The following RBM23 variants were observed in gnomAD, a reference collection of about 807,000 sequenced individuals.
RBM23 encodes the protein probable RNA-binding protein 23.
RBM23 carries 53 observed loss-of-function variants against 56.2 expected under a neutral mutation model. That is an observed-to-expected ratio of 0.94 (90% CI 0.76 to 1.19). RBM23 has a LOEUF of 1.19. Ranked by LOEUF, RBM23 falls within the 50% of genes most tolerant of loss-of-function variation. The pLI is 0.00. For synonymous variants in RBM23, 197 were observed against 198.5 expected (o/e 0.99, Z 0.06); for missense variants, 642 against 590.3 (o/e 1.09, Z -0.91).
In RBM23 at chr14:22,905,339, G is replaced by A. The variant is rs192103859; in HGVS notation, c.570C>T (p.Gly190=). 5.7e-4 allele frequency: 916 copies of A among 1,614,080 alleles called. 1 individual carries two copies. The highest frequency in any genetic ancestry group is 6.2e-4 in the Non-Finnish European group (731 of 1,180,016). The change falls in exon 7 of 14, where the codon GGC becomes GGT. Residue 190 remains glycine, a synonymous_variant. Transcript: ENST00000359890. ...RDLEDFFSAV[G]KVRDVRIISD... ...AAAACTAAGGTGGGAGGGTTACCTTGCCTACAGCAGAGAAAAAGTCCTCCA... is the reference window on the plus strand; with the variant it reads ...AAAACTAAGGTGGGAGGGTTACCTTACCTACAGCAGAGAAAAAGTCCTCCA...
chr14:22,901,986 G>C lies in RBM23; in HGVS notation c.1240C>G (p.Leu414Val), dbSNP rs113809132. Residue 414 changes from leucine to valine, a missense_variant, in exon 12 of 14, where the codon CTG becomes GTG. Transcript: ENST00000359890. ...TTCCCATGTCCAAGACTACCAGTCAGAGCTGCTGGATTCAGGGCCCCCAAG... is the reference window on the plus strand; with the variant it reads ...TTCCCATGTCCAAGACTACCAGTCACAGCTGCTGGATTCAGGGCCCCCAAG... ...VPLGALNPAA[L>V]TALSPALNLA... 6.2e-7 allele frequency: 1 copy of C among 1,612,014 alleles called. No individual in the cohort carries two copies. The highest frequency in any genetic ancestry group is 8.5e-7 in the Non-Finnish European group (1 of 1,178,482).
intron 1 of RBM23, chr14:22,911,632 TC>T (rs897688911): frequency 2.9e-5 from 9 of 315,452 alleles, no homozygotes; most frequent in Non-Finnish European, 5.4e-5. Flanking sequence ...TCAAGGATAG[TC>T]CGGGCGCAGT....
At chr14:22,918,517 A>C (rs1395627876) in intron 1 of RBM23, among the ~76,000 whole-genome samples, 1 of 152,214 alleles carries the variant, frequency 6.6e-6, no homozygotes, top group Non-Finnish European at 1.5e-5. Flanking sequence ...AGTGCTTGAA[A>C]AAGTTAAATG....
At chr14:22,908,687 G>A (rs1410154119) in intron 3 of RBM23, 2 of 248,830 alleles carry the variant, frequency 8.0e-6, no homozygotes, top group Non-Finnish European at 1.5e-5. Context: ...AGCCCCGCGT[G>A]AGCACCGCGC....
Position 22,902,243 on chromosome 14 carries a change from T to C in RBM23, c.1070A>G (p.Glu357Gly). ...TDITFPDGDQ[E>G]LDLGSAGGRF... ...TCCACCTGCTGATCCCAGATCCAGC[T>C]CCTGGTCCCCATCAGGAAAAGTGAT... Residue 357 changes from glutamate to glycine, a missense_variant, in exon 11 of 14, where the codon GAG (glutamate) becomes GGG (glycine). Glu to Gly is a moderately conservative substitution (Grantham distance 98). Coordinates refer to ENST00000359890, the MANE Select transcript of RBM23 (RefSeq NM_001077351.2). 2 of 1,614,224 alleles carry C rather than the reference T, an allele frequency of 1.2e-6. No individual in the cohort carries two copies. Among genetic ancestry groups the C allele is most frequent in the African/African-American group, 1.3e-5 (1 of 75,054 alleles).
At chr14:22,911,746 A>G in intron 1 of RBM23, 1 of 159,738 alleles carries the variant, frequency 6.3e-6, no homozygotes, top group East Asian at 1.8e-4. Flanking sequence ...AACCCCCTCT[A>G]CCAAAAATAT....
Position 22,898,349 on chromosome 14 carries a change from T to C in RBM23, c.*3381A>G, listed in dbSNP as rs1452213173. On this transcript the variant is annotated 3_prime_UTR_variant, in exon 14 of 14. Coordinates refer to ENST00000359890, the MANE Select transcript of RBM23 (RefSeq NM_001077351.2). ...GAGAATCTTTTCTAGAACTGAAGACTGGTAGGGAAATTCTAACTATGCTGG... is the reference window on the plus strand; with the variant it reads ...GAGAATCTTTTCTAGAACTGAAGACCGGTAGGGAAATTCTAACTATGCTGG... 6.6e-6 allele frequency: 1 copy of C among 152,190 alleles called. No homozygotes were observed. Among genetic ancestry groups the C allele is most frequent in the Non-Finnish European group, 1.5e-5 (1 of 68,030 alleles). The allele number at this position is 152,190 out of a possible 1,614,324, so 9.4% of individuals were successfully genotyped here.
rs527502866 is a variant in RBM23, at chr14:22,904,510, G to A, written c.865-184C>T. On this transcript the variant is annotated intron_variant, in intron 9 of 13. Coordinates refer to ENST00000359890, the MANE Select transcript of RBM23 (RefSeq NM_001077351.2). Reference sequence around the variant, plus strand: ...AAGATTAGTCAGTAGAAATATTTTGGTAAAAGGTGGACTTTTTTTTTTTTT... The same window carrying A: ...AAGATTAGTCAGTAGAAATATTTTGATAAAAGGTGGACTTTTTTTTTTTTT... Among the ~76,000 whole-genome samples the A allele has an allele frequency of 2.0e-5, 3 of 150,976 alleles. No individual in the cohort carries two copies. The South Asian group carries it at 6.3e-4, about 32-fold the overall frequency.
intron 1 of RBM23, chr14:22,917,288 G>C (rs1047037147): frequency 1.3e-5 from 2 of 152,132 alleles, no homozygotes; most frequent in African/African-American, 4.8e-5. Flanking sequence ...TGAAATGCTT[G>C]ATTTCAAGAA....
intron 1 of RBM23, among the ~76,000 whole-genome samples, chr14:22,913,483 CAGG>C (rs2042949610): frequency 6.6e-6 from 1 of 151,484 alleles, no homozygotes; most frequent in South Asian, 2.1e-4. Context: ...ACTTTGGGGC[CAGG>C]AGTTGTGGCT....
rs186349803 is a variant in RBM23 at position 22,909,096 on chromosome 14, C to T, written c.179+387G>A. On this transcript the variant is annotated intron_variant, in intron 3 of 13. Transcript: ENST00000359890. Reference sequence around the variant, plus strand: ...TAGCTGGGATTACAGGAGCCTGCCACCGCGCCCAGCTAATTTTTGTATTTT... The same window carrying T: ...TAGCTGGGATTACAGGAGCCTGCCATCGCGCCCAGCTAATTTTTGTATTTT... Among the ~76,000 whole-genome samples, 484 of 152,214 alleles carry T rather than the reference C, an allele frequency of 3.2e-3. 2 individuals are homozygous for T. The highest frequency in any genetic ancestry group is 0.011 in the African/African-American group (465 of 41,534).
At position 22,909,528 on chromosome 14, in the gene RBM23, C is replaced by T; in HGVS notation, c.134G>A (p.Ser45Asn). 6 of 1,613,570 alleles carry T rather than the reference C, an allele frequency of 3.7e-6. No homozygotes were observed. Among genetic ancestry groups the T allele is most frequent in the Non-Finnish European group, 5.1e-6 (6 of 1,179,996 alleles). ...PSNTTSSTSN[S>N]GNETSGSSTI... ...GCTGCTTCCACTGGTCTCATTGCCA[C>T]TGTTGCTGGTGCTGCTGGTGGTATT... The change falls in exon 3 of 14, where the codon AGT becomes AAT. Residue 45 changes from serine to asparagine, a missense_variant. Coordinates refer to ENST00000359890, the MANE Select transcript of RBM23 (RefSeq NM_001077351.2).
chr14:22,917,560 T>TTTC (rs10632974), intron 1 of RBM23: 84,250 of 149,726 alleles, frequency 0.56, 24,594 homozygotes, highest in East Asian at 0.79. Flanking sequence ...TTTTTTCTTT[T>TTTC]TTCTTCTTTT....
At chr14:22,910,693 AC>A (rs1030882401) in intron 2 of RBM23, among the ~76,000 whole-genome samples, 25 of 151,898 alleles carry the variant, frequency 1.6e-4, no homozygotes, top group African/African-American at 6.0e-4. Context: ...ACATAGCAAG[AC>A]CCTGTCTCTA....
At chr14:22,908,262 C>A in intron 4 of RBM23, 71 bp downstream of exon 4, 1 of 1,508,646 alleles carries the variant, frequency 6.6e-7, no homozygotes, top group Non-Finnish European at 8.9e-7. Flanking sequence ...CTGAAGTGAT[C>A]CTCCCGCCTT....
chr14:22,903,322 C>G, intron 10 of RBM23: 1 of 985,462 alleles, frequency 1.0e-6, no homozygotes, highest in South Asian at 4.7e-5. Context: ...AGGTTGTTGA[C>G]CCAAAAGGCA....
intron 10 of RBM23, chr14:22,903,975 T>C (rs1227821513): frequency 3.7e-6 from 5 of 1,354,232 alleles, no homozygotes; most frequent in Non-Finnish European, 4.8e-6. Flanking sequence ...ACCTTTTAGC[T>C]GCAGCCTGGT....
intron 1 of RBM23, among the ~76,000 whole-genome samples, chr14:22,913,485 G>A (rs1480751691): frequency 6.6e-6 from 1 of 152,010 alleles, no homozygotes; most frequent in African/African-American, 2.4e-5. Context: ...TTTGGGGCCA[G>A]GAGTTGTGGC....
At position 22,902,053 on chromosome 14, in the gene RBM23, G is replaced by GGCA. The variant is rs749638508; in HGVS notation, c.1172_1173insTGC (p.Ala393dup). 50 of 1,612,516 alleles carry GGCA rather than the reference G, an allele frequency of 3.1e-5. No individual in the cohort carries two copies. The highest frequency in any genetic ancestry group is 1.1e-4 in the East Asian group (5 of 44,878). On this transcript the variant is annotated inframe_insertion, in exon 12 of 14. Coordinates refer to ENST00000359890, the MANE Select transcript of RBM23 (RefSeq NM_001077351.2). ...GTTGCAAGGCAGCAGCCTGGGCGGC[G>GGCA]GCGGCAGCAGCAGCAGCAGCAGTGC...
Sources: allele counts gnomAD v4.1 joint callset (sites outside exome capture counted in the v4.1 genomes callset), GRCh38; gene constraint gnomAD v4.1.1; transcripts MANE v1.5; gene names NCBI Gene and HGNC (gene_info 2026-07-23, HGNC 2026-07-21).